Variants in MACROD2 observed in about 807,000 individuals in gnomAD.
MACROD2 encodes the protein mono-ADP ribosylhydrolase 2.
A neutral mutation model predicts 70.4 loss-of-function variants in MACROD2; 36 were observed. The observed-to-expected ratio is 0.51, with a 90% CI of 0.39 to 0.68. The LOEUF is 0.68. Ranked by LOEUF, MACROD2 falls within the 30% of genes least tolerant of loss-of-function variation. The pLI is 0.00. For synonymous variants in MACROD2, 172 were observed against 178.8 expected (o/e 0.96, Z 0.30); for missense variants, 496 against 538.4 (o/e 0.92, Z 0.78).
chr20:15,107,558 T>G (rs2075920851), intron 5 of MACROD2, among the ~76,000 whole-genome samples: 1 of 152,146 alleles, frequency 6.6e-6, no homozygotes, highest in South Asian at 2.1e-4. Flanking sequence ...CTTTTTTTTT[T>G]TTCAATCCAG....
intron 3 of MACROD2, chr20:14,128,214 G>A: frequency 2.7e-6 from 1 of 368,934 alleles, no homozygotes; most frequent in Non-Finnish European, 5.3e-6. Context: ...AGATTTGGGA[G>A]CAGATCCCAC....
chr20:15,759,718 A>G (rs563628926), intron 8 of MACROD2, among the ~76,000 whole-genome samples: 4 of 152,206 alleles, frequency 2.6e-5, no homozygotes, highest in South Asian at 4.1e-4. Flanking sequence ...TAGACTATTT[A>G]TGGGACAATA....
At chr20:15,616,159 A>G (rs1368594621) in intron 8 of MACROD2, among the ~76,000 whole-genome samples, 1 of 136,186 alleles carries the variant, frequency 7.3e-6, no homozygotes, top group African/African-American at 2.8e-5. Context: ...CCTGGAGTGC[A>G]GTGGTGTGAT....
At chr20:14,919,522 C>A (rs2074135161) in intron 5 of MACROD2, among the ~76,000 whole-genome samples, 1 of 152,178 alleles carries the variant, frequency 6.6e-6, no homozygotes. Flanking sequence ...GCAATTTATT[C>A]CTGCCTTCTT....
chr20:15,693,601 G>A (rs901926025), intron 8 of MACROD2, among the ~76,000 whole-genome samples: 2 of 152,108 alleles, frequency 1.3e-5, no homozygotes, highest in East Asian at 1.9e-4. Flanking sequence ...GGAGAAAACT[G>A]AGTAAATATA....
intron 4 of MACROD2, chr20:14,631,917 T>C (rs1476758870): frequency 1.3e-5 from 2 of 152,244 alleles, no homozygotes; most frequent in Non-Finnish European, 2.9e-5. Flanking sequence ...GCAATGAGCA[T>C]GCCAGTTGGA....
intron 5 of MACROD2, among the ~76,000 whole-genome samples, chr20:14,840,925 C>G (rs1303232594): frequency 1.3e-5 from 2 of 152,022 alleles, no homozygotes; most frequent in Non-Finnish European, 2.9e-5. Flanking sequence ...AGTGATTTGT[C>G]TTCATCAGAT....
At chr20:15,523,882 T>C (rs1263915478) in intron 8 of MACROD2, among the ~76,000 whole-genome samples, 1 of 152,336 alleles carries the variant, frequency 6.6e-6, no homozygotes, top group Non-Finnish European at 1.5e-5. Flanking sequence ...TATCTTGTGA[T>C]GTGCCAGGCC....
intron 8 of MACROD2, among the ~76,000 whole-genome samples, chr20:15,642,983 A>G (rs1198318524): frequency 1.3e-5 from 2 of 152,228 alleles, no homozygotes; most frequent in South Asian, 2.1e-4. Flanking sequence ...CTTGCCACCA[A>G]TTGAACATCT....
intron 3 of MACROD2, among the ~76,000 whole-genome samples, chr20:14,398,913 G>A (rs1017450372): frequency 6.6e-6 from 1 of 151,844 alleles, no homozygotes; most frequent in Non-Finnish European, 1.5e-5. Context: ...AAATTAAACA[G>A]CACGCCCTGT....
At chr20:14,634,576 A>G (rs17774276) in intron 4 of MACROD2, among the ~76,000 whole-genome samples, 3,471 of 115,416 alleles carry the variant, frequency 0.03, 57 homozygotes, top group Admixed American at 0.067. Flanking sequence ...TTATTTTCCT[A>G]TATGGTCCTG....
chr20:14,631,543 G>A (rs1167566429), intron 4 of MACROD2, among the ~76,000 whole-genome samples: 1 of 152,116 alleles, frequency 6.6e-6, no homozygotes, highest in Non-Finnish European at 1.5e-5. Flanking sequence ...GGCCGAGGTG[G>A]GCAGATCACA....
chr20:15,572,454 A>T (rs930511632), intron 8 of MACROD2, among the ~76,000 whole-genome samples: 3 of 152,122 alleles, frequency 2.0e-5, no homozygotes, highest in Non-Finnish European at 4.4e-5. Context: ...GAATATAAAA[A>T]TTAAAAACAA....
chr20:14,005,567 G>C (rs1308469130), intron 2 of MACROD2, among the ~76,000 whole-genome samples: 1 of 151,548 alleles, frequency 6.6e-6, no homozygotes, highest in East Asian at 1.9e-4. Context: ...TGCCTGAAGA[G>C]TTAATAATCT....
At chr20:16,045,141 C>T (rs1027140250) in intron 17 of MACROD2, among the ~76,000 whole-genome samples, 3 of 152,060 alleles carry the variant, frequency 2.0e-5, no homozygotes, top group East Asian at 1.9e-4. Context: ...TGGACCCGTG[C>T]GTCTGCACAA....
At chr20:14,909,407 C>A (rs115757728) in intron 5 of MACROD2, among the ~76,000 whole-genome samples, 1 of 151,984 alleles carries the variant, frequency 6.6e-6, no homozygotes, top group Non-Finnish European at 1.5e-5. Context: ...ATAGGCCTAT[C>A]GTTTATTGCA....
Position 15,144,068 on chromosome 20 carries a change from C to T in MACROD2, c.419-85872C>T, listed in dbSNP as rs149681331. Among the ~76,000 whole-genome samples, 93 of 149,670 alleles carry T rather than the reference C, an allele frequency of 6.2e-4. 1 individual carries two copies. The East Asian group carries it at 0.016, about 26-fold the overall frequency. ...TGTGGGTCGTGGGCCGCGGGTTGGA[C>T]GGTGCCAAAGCATGAATGTTGTGAT... On this transcript the variant is annotated intron_variant, in intron 5 of 17. Coordinates refer to ENST00000684519, the MANE Select transcript of MACROD2 (RefSeq NM_001351661.2).
chr20:15,745,320 C>G (rs2051166322), intron 8 of MACROD2, among the ~76,000 whole-genome samples: 1 of 152,120 alleles, frequency 6.6e-6, no homozygotes, highest in South Asian at 2.1e-4. Context: ...ATTTTGGCAA[C>G]CTGGTGGTCC....
At chr20:14,753,586 C>T (rs1314274622) in intron 5 of MACROD2, among the ~76,000 whole-genome samples, 1 of 151,794 alleles carries the variant, frequency 6.6e-6, no homozygotes, top group African/African-American at 2.4e-5. Context: ...CTTACATAGT[C>T]GAATTATACC....
Sources: allele counts gnomAD v4.1 joint callset (sites outside exome capture counted in the v4.1 genomes callset), GRCh38; gene constraint gnomAD v4.1.1; transcripts MANE v1.5; gene names NCBI Gene and HGNC (gene_info 2026-07-23, HGNC 2026-07-21).